The following NOS1 variants were observed in gnomAD, a reference collection of about 807,000 sequenced individuals.
NOS1 encodes the protein NOS type I.
In NOS1, 51 loss-of-function variants were observed where a neutral mutation model predicts 164.5. The ratio of observed to expected loss-of-function variants is 0.31; its 90% CI spans 0.25 to 0.39. The LOEUF is 0.39. NOS1 is among the 10% of genes least tolerant of loss of function. The pLI is 1.00. For synonymous variants in NOS1, 719 were observed against 745.8 expected (o/e 0.96, Z 0.59); for missense variants, 1,362 against 1,885.6 (o/e 0.72, Z 5.14).
At position 117,272,582 on chromosome 12, in the gene NOS1, G is replaced by A; in HGVS notation, c.1665-23C>T. ...AACCTGCAGGGAGCAACAGGGCCCA[G>A]CTCACCCGGAGCAGGTGTCTCATGG... On this transcript the variant is annotated intron_variant, in intron 9 of 28. Transcript: ENST00000317775. The surrounding 1 kb of genome is among the most constrained non-coding windows in gnomAD (Gnocchi z 4.3). The A allele has an allele frequency of 6.2e-7, 1 of 1,605,704 alleles. No homozygotes were observed. Among genetic ancestry groups the A allele is most frequent in the Non-Finnish European group, 8.5e-7 (1 of 1,176,194 alleles).
At chr12:117,304,132 A>G (rs1874004663) in intron 3 of NOS1, among the ~76,000 whole-genome samples, 1 of 152,086 alleles carries the variant, frequency 6.6e-6, no homozygotes, top group African/African-American at 2.4e-5. Context: ...AGATCAGGCC[A>G]CTGCACTCCA....
intron 1 of NOS1, among the ~76,000 whole-genome samples, chr12:117,337,455 C>T (rs930674015): frequency 6.6e-6 from 1 of 152,106 alleles, no homozygotes; most frequent in Non-Finnish European, 1.5e-5. Context: ...TAAAGCCCAA[C>T]ATTACACACA....
At chr12:117,232,761 C>T (rs1380204405) in intron 21 of NOS1, among the ~76,000 whole-genome samples, 2 of 152,158 alleles carry the variant, frequency 1.3e-5, no homozygotes, top group Admixed American at 6.5e-5. Context: ...TCATCCAATA[C>T]GTCCCTAAAT....
chr12:117,290,585 G>T (rs1470895957), intron 3 of NOS1, among the ~76,000 whole-genome samples, 159 bp from the exon 4 acceptor site: 3 of 151,994 alleles, frequency 2.0e-5, no homozygotes, highest in African/African-American at 4.8e-5. Flanking sequence ...TGCTTGACAT[G>T]TACAAGGTTC....
intron 18 of NOS1, among the ~76,000 whole-genome samples, chr12:117,244,890 G>C (rs1870499992): frequency 6.6e-6 from 1 of 152,208 alleles, no homozygotes. Context: ...GGTTTCGAGA[G>C]CTGGGGGTGG....
chr12:117,359,878 A>ATT (rs1877042846), intron 1 of NOS1, among the ~76,000 whole-genome samples: 1 of 9,492 alleles, frequency 1.1e-4, no homozygotes, highest in Non-Finnish European at 2.4e-4. Flanking sequence ...TAATGGTTTT[A>ATT]TATATATATA....
At chr12:117,295,352 A>G (rs1873339208) in intron 3 of NOS1, among the ~76,000 whole-genome samples, 1 of 152,242 alleles carries the variant, frequency 6.6e-6, no homozygotes, top group Admixed American at 6.5e-5. Flanking sequence ...TATGATGTTC[A>G]AATGTTAGTA....
intron 1 of NOS1, among the ~76,000 whole-genome samples, chr12:117,359,560 T>C (rs1490063098): frequency 2.0e-5 from 3 of 151,836 alleles, no homozygotes; most frequent in Non-Finnish European, 2.9e-5. Context: ...CCGCCAGAGG[T>C]GAGATGAGGC....
At chr12:117,303,534 G>A (rs1873961379) in intron 3 of NOS1, among the ~76,000 whole-genome samples, 1 of 152,048 alleles carries the variant, frequency 6.6e-6, no homozygotes, top group African/African-American at 2.4e-5. Context: ...CTGGAGGGAG[G>A]GGCAAGGGCA....
At chr12:117,351,415 C>T (rs1429169435) in intron 1 of NOS1, among the ~76,000 whole-genome samples, 1 of 152,194 alleles carries the variant, frequency 6.6e-6, no homozygotes, top group Non-Finnish European at 1.5e-5. Flanking sequence ...GCCCTGGTTG[C>T]TAGTCCCTGA....
At chr12:117,326,695 C>T (rs1268753207) in intron 2 of NOS1, among the ~76,000 whole-genome samples, 5 of 152,226 alleles carry the variant, frequency 3.3e-5, no homozygotes, top group Non-Finnish European at 7.3e-5. Flanking sequence ...GATGCAGCCT[C>T]CTGAGCTGGG....
In NOS1 at chr12:117,330,813, C is replaced by T; in HGVS notation, c.257G>A (p.Gly86Asp). Residue 86 changes from glycine (G) to aspartate (D), a missense_variant, in exon 2 of 29, where the codon GGC becomes GAC. Around this residue, in one of 4 missense-constraint regions of NOS1, gnomAD observed 362 missense variants for 402.0 expected, o/e 0.90. Transcript: ENST00000317775. The surrounding 1 kb of genome is among the most constrained non-coding windows in gnomAD (Gnocchi z 4.6). Reference sequence around the variant, plus strand: ...GACCACGTGGGTCTCAGAGGCAATGCCTCTGAGTACCTCCAGGGCGCTGTC... The same window carrying T: ...GACCACGTGGGTCTCAGAGGCAATGTCTCTGAGTACCTCCAGGGCGCTGTC... ...SYDSALEVLR[G>D]IASETHVVLI... The T allele has an allele frequency of 6.2e-7, 1 of 1,614,102 alleles. No homozygotes were observed. The highest frequency in any genetic ancestry group is 1.1e-5 in the South Asian group (1 of 91,084).
chr12:117,262,259 T>C (rs1218279064), intron 13 of NOS1, among the ~76,000 whole-genome samples: 1 of 152,038 alleles, frequency 6.6e-6, no homozygotes, highest in Non-Finnish European at 1.5e-5. Context: ...TGTTTTAGAT[T>C]TCTCCCTCCC....
chr12:117,266,502 C>T (rs1268315066), intron 11 of NOS1, among the ~76,000 whole-genome samples: 1 of 151,006 alleles, frequency 6.6e-6, no homozygotes, highest in Non-Finnish European at 1.5e-5. Context: ...GTGCAAGTAT[C>T]TTTTTTGTAT....
At chr12:117,261,487 GAGAA>G (rs773585961) in intron 13 of NOS1, among the ~76,000 whole-genome samples, 1 of 152,036 alleles carries the variant, frequency 6.6e-6, no homozygotes, top group Non-Finnish European at 1.5e-5. Context: ...GTGTGAATGA[GAGAA>G]AGAGAGAGAG....
intron 19 of NOS1, among the ~76,000 whole-genome samples, 190 bp from the exon 20 acceptor site, chr12:117,242,895 TACAA>T (rs1292244481): frequency 1.3e-5 from 2 of 152,190 alleles, no homozygotes; most frequent in East Asian, 1.9e-4. Flanking sequence ...AGAATATTAA[TACAA>T]ACAAACACTC....
chr12:117,255,963 A>T, intron 16 of NOS1: 1 of 1,491,094 alleles, frequency 6.7e-7, no homozygotes, highest in Middle Eastern at 1.7e-4. Flanking sequence ...GGCTGCAGCC[A>T]GACCGTGGAC....
At chr12:117,265,237 G>C (rs904551830) in intron 12 of NOS1, 79 bp downstream of exon 12, 22 of 1,322,366 alleles carry the variant, frequency 1.7e-5, no homozygotes, top group Admixed American at 2.8e-5. Context: ...CACTAGCCTG[G>C]GTTGAAATGA....
chr12:117,208,959 G>A lies in NOS1; in HGVS notation c.*6350C>T, dbSNP rs1956486816. The A allele has an allele frequency of 2.3e-6, 2 of 882,430 alleles. No homozygotes were observed. The highest frequency in any genetic ancestry group is 5.8e-4 in the Middle Eastern group (1 of 1,728). 54.7% of individuals were successfully genotyped at this position (882,430 alleles called of 1,614,324 possible). On this transcript the variant is annotated 3_prime_UTR_variant, in exon 29 of 29. Coordinates refer to ENST00000317775, the MANE Select transcript of NOS1 (RefSeq NM_000620.5). ...GTTGGTCTCTAACTCCCAGCCTCAA[G>A]TGATCTGCCAGCCTCGGCCTCCCAA...
Sources: gnomAD v4.1 joint callset for allele counts (sites outside exome capture counted in the v4.1 genomes callset) on GRCh38, gnomAD v4.1.1 for gene constraint, gnomAD v4.1.1 regional missense constraint, Gnocchi (gnomAD v3.1) non-coding constraint, MANE v1.5 for transcripts, NCBI Gene and HGNC (gene_info 2026-07-23, HGNC 2026-07-21) for gene names.